The following JUP variants were observed in gnomAD, a reference collection of about 807,000 sequenced individuals.
The protein encoded by JUP is junction plakoglobin, also known as catenin (cadherin-associated protein), gamma 80kDa.
JUP carries 28 observed loss-of-function variants against 71.1 expected under a neutral mutation model. That is an observed-to-expected ratio of 0.39 (90% CI 0.29 to 0.54). The LOEUF (loss-of-function observed/expected upper bound fraction) is 0.54, where lower values mean the gene tolerates loss of function less well. JUP is among the 20% of genes least tolerant of loss of function. The pLI is 0.62. For synonymous variants in JUP, 401 were observed against 438.9 expected, an observed-to-expected ratio of 0.91 and a Z score of 1.08; for missense variants, 869 against 1,030.1, an observed-to-expected ratio of 0.84 and a Z score of 2.14.
At chr17:41,765,184 G>A (rs1317888057) in intron 5 of JUP, 117 bp from the exon 6 acceptor site, 9 of 1,022,938 alleles carry the variant, frequency 8.8e-6, no homozygotes, top group African/African-American at 4.9e-5. Context: ...CGAATAGTTC[G>A]TTTTTTTCTT....
chr17:41,777,080 C>T (rs1172876362), intron 1 of JUP, among the ~76,000 whole-genome samples: 1 of 152,198 alleles, frequency 6.6e-6, no homozygotes, highest in Non-Finnish European at 1.5e-5. Context: ...AGGTGGATGG[C>T]AGTCTGTCTG....
chr17:41,771,877 G>T lies in JUP; in HGVS notation c.-8-15C>A, dbSNP rs1555607188. Reference sequence around the variant, plus strand: ...CATCGTGGCTACTGGGGGCACAAAGGAGGAAGTCAGGAAGCAGGAAGTCAC... The same window carrying T: ...CATCGTGGCTACTGGGGGCACAAAGTAGGAAGTCAGGAAGCAGGAAGTCAC... On this transcript the variant is annotated splice_polypyrimidine_tract_variant and intron_variant, in intron 1 of 13. Coordinates refer to ENST00000393931, the MANE Select transcript of JUP (RefSeq NM_002230.4). 1.3e-6 allele frequency: 2 copies of T among 1,592,020 alleles called. No individual in the cohort carries two copies. Among genetic ancestry groups the T allele is most frequent in the African/African-American group, 2.7e-5 (2 of 74,432 alleles).
chr17:41,762,130 AG>A, intron 8 of JUP, among the ~76,000 whole-genome samples: 1 of 45,478 alleles, frequency 2.2e-5, no homozygotes, highest in Non-Finnish European at 3.7e-5. Context: ...AGACAGAGAG[AG>A]AGAGAGAGAG....
At position 41,786,646 on chromosome 17, in the gene JUP, G is replaced by C. The variant is rs1555611824; in HGVS notation, c.-67C>G. ...TCGGGCCGGGGTGGGAGCCGGCGCG[G>C]ACAGCGAACTGAGCTCGGCGTGGTC... On this transcript the variant is annotated 5_prime_UTR_variant, in exon 1 of 14. Transcript: ENST00000393931. The C allele has an allele frequency of 2.0e-5, 3 of 152,878 alleles. No individual in the cohort carries two copies. The East Asian group carries it at 5.8e-4, about 29-fold the overall frequency. The allele number at this position is 152,878 out of a possible 1,614,324, so 9.5% of individuals were successfully genotyped here.
In JUP at chr17:41,763,224, G is replaced by A. The variant is rs782053470; in HGVS notation, c.1256C>T (p.Thr419Ile). ...CGTCTTGTTCTTGCTGTTGTTGCAT[G>A]TCAGGTTGGAGAGTGTGCCCGTGGC... ...TCATGTLSNL[T>I]CNNSKNKTLV... Residue 419 changes from threonine (T) to isoleucine (I), a missense_variant, in exon 8 of 14, where the codon ACA becomes ATA. Transcript: ENST00000393931. The A allele has an allele frequency of 5.6e-6, 9 of 1,614,222 alleles. No individual in the cohort carries two copies. The highest frequency in any genetic ancestry group is 2.2e-5 in the East Asian group (1 of 44,886).
At chr17:41,772,001 T>TG in intron 1 of JUP, 139 bp from the exon 2 acceptor site, 1 of 835,374 alleles carries the variant, frequency 1.2e-6, no homozygotes, top group South Asian at 1.4e-5. Flanking sequence ...AGGCTGGGGA[T>TG]GGGGGGACTG....
chr17:41,773,868 AC>A (rs1242294323), intron 1 of JUP, among the ~76,000 whole-genome samples: 15 of 152,224 alleles, frequency 9.9e-5, no homozygotes, highest in Admixed American at 2.6e-4. Context: ...GTGCAAGTGT[AC>A]AAGTAAACAC....
At chr17:41,786,509 A>AG (rs2047464163) in intron 1 of JUP, 79 bp downstream of exon 1, 1 of 152,336 alleles carries the variant, frequency 6.6e-6, no homozygotes, top group Non-Finnish European at 1.5e-5. Context: ...TCACCTGCCC[A>AG]GGGACGGCTG....
At chr17:41,767,038 C>T (rs1488349689) in intron 5 of JUP, among the ~76,000 whole-genome samples, 1 of 146,838 alleles carries the variant, frequency 6.8e-6, no homozygotes, top group East Asian at 2.0e-4. Context: ...CAGAGTGAGA[C>T]CCTGTCTCAA....
chr17:41,775,847 AC>A, intron 1 of JUP: 1 of 347,772 alleles, frequency 2.9e-6, no homozygotes, highest in Non-Finnish European at 4.0e-6. Flanking sequence ...GACTGGGTGC[AC>A]CCCTACCCTT....
chr17:41,755,572 A>C lies in JUP; in HGVS notation c.*172T>G. 1.7e-6 allele frequency: 1 copy of C among 581,906 alleles called. No homozygotes were observed. The highest frequency in any genetic ancestry group is 2.8e-6 in the Non-Finnish European group (1 of 360,396). The allele number at this position is 581,906 out of a possible 1,614,324, so 36.0% of individuals were successfully genotyped here. A position where few individuals can be genotyped will look rare whatever the true frequency, so the allele number is the denominator to read the frequency against. On this transcript the variant is annotated 3_prime_UTR_variant, in exon 14 of 14. Coordinates refer to ENST00000393931, the MANE Select transcript of JUP (RefSeq NM_002230.4). ...AGGCCTCCCCATCCCCACCAAAGAC[A>C]CAAGAAGAAGGCAGGCCAGGGCACA...
At chr17:41,761,166 C>T (rs980356262) in intron 8 of JUP, among the ~76,000 whole-genome samples, 2 of 152,220 alleles carry the variant, frequency 1.3e-5, no homozygotes, top group East Asian at 3.9e-4. Flanking sequence ...AGACCCCACT[C>T]CTTCACACAC....
rs782063643 is a variant in JUP, at chr17:41,769,001, C to T, written c.675G>A (p.Ser225=). 20 of 1,608,844 alleles carry T rather than the reference C, an allele frequency of 1.2e-5. No homozygotes were observed. The highest frequency in any genetic ancestry group is 4.5e-5 in the East Asian group (2 of 44,690). ...TGCGGACCAGAGCAGGGATGCCACC[C>T]GACTTGAAGATGGCGAGCAGCCCCT... ...HREGLLAIFK[S]GGIPALVRML... Residue 225 remains serine, a synonymous_variant, in exon 4 of 14, where the codon TCG becomes TCA. Coordinates refer to ENST00000393931, the MANE Select transcript of JUP (RefSeq NM_002230.4).
Position 41,775,642 on chromosome 17 carries a change from G to A in JUP, c.-8-3780C>T, listed in dbSNP as rs1023209449. ...AGACGGGCAGGGACAGAGACAGGGC[G>A]GGTTTCTGAGTTGAATGGGGGGCCT... On this transcript the variant is annotated intron_variant, in intron 1 of 13. Transcript: ENST00000393931. Among the ~76,000 whole-genome samples the A allele has an allele frequency of 3.3e-5, 5 of 152,190 alleles. No individual in the cohort carries two copies. The East Asian group carries it at 5.8e-4, about 18-fold the overall frequency.
At chr17:41,762,123 C>CAGAG (rs528611507) in intron 8 of JUP, among the ~76,000 whole-genome samples, 3 of 69,194 alleles carry the variant, frequency 4.3e-5, no homozygotes, top group Non-Finnish European at 7.3e-5. Context: ...TGCAGAGAGA[C>CAGAG]AGAGAGAGAG....
In JUP at chr17:41,771,653, T is replaced by TG. The variant is rs1555606913; in HGVS notation, c.201dup (p.Ser68GlnfsTer4). 1 of 1,613,138 alleles carries TG rather than the reference T, an allele frequency of 6.2e-7. No individual in the cohort carries two copies. The highest frequency in any genetic ancestry group is 8.5e-7 in the Non-Finnish European group (1 of 1,179,958). On this transcript the variant is annotated frameshift_variant, in exon 2 of 14. Coordinates refer to ENST00000393931, the MANE Select transcript of JUP (RefSeq NM_002230.4). LOFTEE classifies it high-confidence loss of function. ...AGTCCCCAGGGGTCCTGACCTTGGC[T>TG]GGGGGGCACCCCCTGGGTGTAAGTG...
At chr17:41,767,345 GC>G (rs1567815677) in intron 5 of JUP, 33 bp downstream of exon 5, 1 of 1,588,160 alleles carries the variant, frequency 6.3e-7, no homozygotes, top group Non-Finnish European at 8.6e-7. Context: ...GCAAGGGTGG[GC>G]TTCAGGCCTC....
intron 1 of JUP, among the ~76,000 whole-genome samples, chr17:41,778,306 T>C (rs1200419540): frequency 6.6e-6 from 1 of 152,204 alleles, no homozygotes; most frequent in Admixed American, 6.5e-5. Context: ...GGCTCACCCC[T>C]GTAATCCCAG....
intron 12 of JUP, among the ~76,000 whole-genome samples, chr17:41,756,877 C>T (rs907650644): frequency 5.3e-5 from 8 of 151,940 alleles, no homozygotes; most frequent in Admixed American, 2.0e-4. Flanking sequence ...TCCAGCCTGG[C>T]GACAGAGCAA....
Sources: gnomAD v4.1 joint callset for allele counts (sites outside exome capture counted in the v4.1 genomes callset) on GRCh38, gnomAD v4.1.1 for gene constraint, MANE v1.5 for transcripts, NCBI Gene and HGNC (gene_info 2026-07-23, HGNC 2026-07-21) for gene names.